Variants in LAMB1 observed in about 807,000 individuals in gnomAD.
The protein encoded by LAMB1 is laminin subunit beta-1.
In LAMB1, 121 loss-of-function variants were observed where a neutral mutation model predicts 222.3. The observed-to-expected ratio is 0.54, with a 90% confidence interval of 0.47 to 0.63. LAMB1 has a LOEUF of 0.63. Among genes scored for constraint, LAMB1 ranks in the 30% least tolerant of loss-of-function variants. The probability of loss-of-function intolerance (pLI) is 0.00; values close to 1 mark genes in which losing one functional copy is unlikely to be tolerated. For synonymous variants in LAMB1, 794 were observed against 807.2 expected (o/e 0.98, Z 0.28); for missense variants, 2,172 against 2,240.8 (o/e 0.97, Z 0.62).
In LAMB1 at chr7:107,955,519, G is replaced by A. The variant is rs1163300440; in HGVS notation, c.2802C>T (p.Tyr934=). The change falls in exon 21 of 34, where the codon TAC becomes TAT. Residue 934 remains tyrosine (Y), a synonymous_variant. Transcript: ENST00000222399. Reference sequence around the variant, plus strand: ...CAAGCTGTAAAGTAACAGGATCTTGGTAGCAGCTCCTGGCAAACTGGCGTC... The same window carrying A: ...CAAGCTGTAAAGTAACAGGATCTTGATAGCAGCTCCTGGCAAACTGGCGTC... ...DSGRQFARSC[Y]QDPVTLQLAC... is the part of the protein sequence containing the mutation. 4 of 1,613,952 alleles carry A rather than the reference G, an allele frequency of 2.5e-6. No homozygotes were observed. Among genetic ancestry groups the A allele is most frequent in the East Asian group, 2.2e-5 (1 of 44,886 alleles).
Position 107,975,236 on chromosome 7 carries a change from T to G in LAMB1, c.1367A>C (p.Lys456Thr). 6.2e-7 allele frequency: 1 copy of G among 1,609,778 alleles called. No homozygotes were observed. The highest frequency in any genetic ancestry group is 8.5e-7 in the Non-Finnish European group (1 of 1,176,954). Residue 456 changes from lysine to threonine, a missense_variant and splice_region_variant, in exon 11 of 34, where the codon AAA becomes ACA. Transcript: ENST00000222399. ...AACTTTTTAGCAAACAGACCTACAT[T>G]TACAACCAAATGGATCTTCACTGCT... ...DLSSEDPFGC[K>T]SCACNPLGTI...
chr7:107,998,562 C>A, intron 3 of LAMB1, 70 bp from the exon 4 acceptor site: 1 of 1,336,554 alleles, frequency 7.5e-7, no homozygotes, highest in Non-Finnish European at 1.0e-6. Flanking sequence ...TAAAAAAACC[C>A]CATGAAGCTC....
Position 107,994,972 on chromosome 7 carries a change from T to C in LAMB1, c.350-12A>G. ...TACATTTTCCACACCTACAGGAGAT[T>C]TAAAAAAAATAAAACAATAAATGAA... On this transcript the variant is annotated splice_polypyrimidine_tract_variant and intron_variant, in intron 4 of 33. Coordinates refer to ENST00000222399, the MANE Select transcript of LAMB1 (RefSeq NM_002291.3). The C allele has an allele frequency of 1.4e-6, 2 of 1,481,154 alleles. No homozygotes were observed. The highest frequency in any genetic ancestry group is 1.9e-6 in the Non-Finnish European group (2 of 1,067,320). The allele number at this position is 1,481,154 out of a possible 1,614,324, so 91.8% of individuals were successfully genotyped here. A position where few individuals can be genotyped will look rare whatever the true frequency, so the allele number is the denominator to read the frequency against.
At chr7:107,961,875 A>G (rs2033512523) in intron 15 of LAMB1, among the ~76,000 whole-genome samples, 199 bp from the exon 16 acceptor site, 1 of 151,956 alleles carries the variant, frequency 6.6e-6, no homozygotes, top group Admixed American at 6.6e-5. Context: ...ACACCTCTCA[A>G]CTGTTTTCTG....
intron 5 of LAMB1, among the ~76,000 whole-genome samples, chr7:107,987,675 A>T (rs1173407065): frequency 1.3e-5 from 2 of 152,006 alleles, no homozygotes; most frequent in African/African-American, 4.8e-5. Context: ...TAATTTTTCT[A>T]TTTTTTAGTA....
At position 107,960,444 on chromosome 7, in the gene LAMB1, C is replaced by T; in HGVS notation, c.2314+1G>A. 1.9e-6 allele frequency: 3 copies of T among 1,612,498 alleles called. No individual in the cohort carries two copies. The highest frequency in any genetic ancestry group is 2.5e-6 in the Non-Finnish European group (3 of 1,178,694). On this transcript the variant is annotated splice_donor_variant, in intron 18 of 33. Transcript: ENST00000222399. LOFTEE classifies it high-confidence loss of function. The stretch of plus-strand genomic sequence containing the variant: ...TGCTGCAGCTGCCCAGCAATACCTA[C>T]CCAGGCCTGTCTGGTGTAACAGGGC...
At chr7:107,997,584 G>A (rs991270285) in intron 4 of LAMB1, among the ~76,000 whole-genome samples, 1 of 152,182 alleles carries the variant, frequency 6.6e-6, no homozygotes, top group African/African-American at 2.4e-5. Flanking sequence ...TTAACGGCCA[G>A]GGTTAGGTTC....
intron 24 of LAMB1, among the ~76,000 whole-genome samples, chr7:107,946,549 A>C (rs930812882): frequency 6.6e-6 from 1 of 152,262 alleles, no homozygotes; most frequent in African/African-American, 2.4e-5. Flanking sequence ...TGTAAAACTT[A>C]TATTAGCTAC....
intron 24 of LAMB1, among the ~76,000 whole-genome samples, chr7:107,940,777 C>T (rs961142437): frequency 2.0e-5 from 3 of 152,182 alleles, no homozygotes; most frequent in South Asian, 4.1e-4. Flanking sequence ...TACTCTTCAC[C>T]TCCGTCCTGC....
At chr7:107,976,926 T>TCCTTCCTTCCTTTCCTCTCC (rs1554410235) in intron 9 of LAMB1, among the ~76,000 whole-genome samples, 1 of 19,614 alleles carries the variant, frequency 5.1e-5, no homozygotes, top group African/African-American at 2.2e-4. Context: ...CTTTCCTCTC[T>TCCTTCCTTCCTTTCCTCTCC]CTCCTTCCTT....
chr7:107,973,211 A>G, intron 12 of LAMB1, 140 bp from the exon 13 acceptor site: 1 of 729,746 alleles, frequency 1.4e-6, no homozygotes, highest in Non-Finnish European at 2.4e-6. Context: ...CAACAAAAGG[A>G]AGGAGTATTC....
At chr7:107,969,272 A>C (rs1377062894) in intron 13 of LAMB1, among the ~76,000 whole-genome samples, 3 of 147,914 alleles carry the variant, frequency 2.0e-5, no homozygotes, top group Non-Finnish European at 4.4e-5. Context: ...TGGGCGACAG[A>C]GCGAGACTCC....
chr7:107,935,804 T>C, intron 26 of LAMB1, 148 bp from the exon 27 acceptor site: 1 of 892,084 alleles, frequency 1.1e-6, no homozygotes, highest in Non-Finnish European at 1.7e-6. Flanking sequence ...ACAGTTTTCA[T>C]GAGCAATGAA....
chr7:107,961,445 C>CA, intron 16 of LAMB1, 104 bp downstream of exon 16: 4 of 1,571,432 alleles, frequency 2.5e-6, no homozygotes, highest in Non-Finnish European at 3.5e-6. Context: ...AGTCAGCAGT[C>CA]AACGTCTGGC....
rs1312498039 is a variant in LAMB1, at chr7:108,001,584, G to T, written c.187C>A (p.Pro63Thr). Residue 63 changes from proline to threonine, a missense_variant, in exon 3 of 34, where the codon CCC becomes ACC. By Grantham distance (38) the Pro-to-Thr change is conservative. Coordinates refer to ENST00000222399, the MANE Select transcript of LAMB1 (RefSeq NM_002291.3). ...TSTCGLHKPE[P>T]YCIVSHLQED... is the part of the protein sequence containing the mutation. Reference sequence around the variant, plus strand: ...TGCAAGTGGCTGACGATACAGTAGGGTTCGGGCTTGTGCAGCCCGCACGTC... The same window carrying T: ...TGCAAGTGGCTGACGATACAGTAGGTTTCGGGCTTGTGCAGCCCGCACGTC... 8 of 1,611,952 alleles carry T rather than the reference G, an allele frequency of 5.0e-6. No individual in the cohort carries two copies. The highest frequency in any genetic ancestry group is 3.3e-4 in the Middle Eastern group (2 of 6,056).
intron 24 of LAMB1, among the ~76,000 whole-genome samples, chr7:107,950,738 G>A (rs148798092): frequency 3.1e-4 from 47 of 152,298 alleles, no homozygotes; most frequent in African/African-American, 9.6e-4. Flanking sequence ...TGTCAACAGA[G>A]TCTAGTTGAT....
intron 8 of LAMB1, among the ~76,000 whole-genome samples, chr7:107,980,210 G>GAA (rs772170683): frequency 3.8e-5 from 5 of 130,964 alleles, no homozygotes; most frequent in Non-Finnish European, 5.0e-5. Context: ...TCTGTCTCAA[G>GAA]AAAAAAAAAA....
At chr7:107,976,147 C>G (rs2033850221) in intron 9 of LAMB1, among the ~76,000 whole-genome samples, 1 of 152,208 alleles carries the variant, frequency 6.6e-6, no homozygotes, top group Admixed American at 6.5e-5. Context: ...ATGGAAAACT[C>G]TAAGGGAAAG....
intron 27 of LAMB1, chr7:107,932,629 A>G (rs141106982): frequency 1.5e-4 from 79 of 543,598 alleles, no homozygotes; most frequent in African/African-American, 1.3e-3. Context: ...TTAAAATACT[A>G]TATGAGCTCT....
Sources: allele counts gnomAD v4.1 joint callset (sites outside exome capture counted in the v4.1 genomes callset), GRCh38; gene constraint gnomAD v4.1.1; transcripts MANE v1.5; gene names NCBI Gene and HGNC (gene_info 2026-07-23, HGNC 2026-07-21).